The following ZNF283 variants were observed in gnomAD, a reference collection of about 807,000 sequenced individuals.
ZNF283 encodes the protein zinc finger protein 283, also known as zinc finger protein 41.
A neutral mutation model predicts 9.2 loss-of-function variants in ZNF283; 10 were observed. The ratio of observed to expected loss-of-function variants is 1.09; its 90% CI spans 0.67 to 1.85. ZNF283 has a LOEUF of 1.85. Among genes scored for constraint, ZNF283 ranks in the 40% most tolerant of loss-of-function variants. The probability of loss-of-function intolerance (pLI) is 0.00; values close to 1 mark genes in which losing one functional copy is unlikely to be tolerated. For missense variants in ZNF283, 631 were observed against 760.1 expected (o/e 0.83, Z 2.00); for synonymous variants, 234 against 244.1 (o/e 0.96, Z 0.38).
At chr19:43,843,214 G>A (rs892047993) in intron 6 of ZNF283, among the ~76,000 whole-genome samples, 6 of 152,136 alleles carry the variant, frequency 3.9e-5, no homozygotes, top group South Asian at 2.1e-4. Flanking sequence ...GGTGGCACGC[G>A]CCTGTAGTCC....
intron 6 of ZNF283, chr19:43,837,510 A>ATATC: frequency 2.7e-6 from 1 of 376,702 alleles, no homozygotes; most frequent in Non-Finnish European, 4.7e-6. Flanking sequence ...ATTATATTGA[A>ATATC]TATCTACTCC....
chr19:43,838,849 T>C (rs945923008), intron 6 of ZNF283, among the ~76,000 whole-genome samples: 4 of 152,178 alleles, frequency 2.6e-5, no homozygotes, highest in African/African-American at 9.7e-5. Context: ...ATAAACAAGG[T>C]GTTAGAGGTT....
In ZNF283 at chr19:43,835,485, G is replaced by T; in HGVS notation, c.123-20G>T. ...ATCACTGAGGCACACCTGGTTTAACGCTTCGTTTTCCCTCCCCAGTTCTGG... is the reference window on the plus strand; with the variant it reads ...ATCACTGAGGCACACCTGGTTTAACTCTTCGTTTTCCCTCCCCAGTTCTGG... On this transcript the variant is annotated intron_variant, in intron 4 of 6. Transcript: ENST00000618787. 6.4e-7 allele frequency: 1 copy of T among 1,568,950 alleles called. No homozygotes were observed. The highest frequency in any genetic ancestry group is 8.7e-7 in the Non-Finnish European group (1 of 1,144,198).
chr19:43,844,508 G>C (rs1047200944), intron 6 of ZNF283, among the ~76,000 whole-genome samples: 4 of 152,154 alleles, frequency 2.6e-5, no homozygotes, highest in African/African-American at 7.2e-5. Flanking sequence ...AGGTTGGTCA[G>C]CTTAAATACT....
intron 6 of ZNF283, chr19:43,840,767 G>A (rs1285377329): frequency 1.3e-5 from 2 of 150,832 alleles, no homozygotes; most frequent in South Asian, 4.2e-4. Flanking sequence ...CTCACTGCAA[G>A]CTCTGCCTCC....
intron 4 of ZNF283, among the ~76,000 whole-genome samples, chr19:43,834,420 C>A (rs999042722): frequency 6.7e-6 from 1 of 149,726 alleles, no homozygotes; most frequent in Non-Finnish European, 1.5e-5. Context: ...GAATTTCATC[C>A]TTTTTTTTTC....
At chr19:43,844,654 C>T (rs1971339015) in intron 6 of ZNF283, among the ~76,000 whole-genome samples, 1 of 152,090 alleles carries the variant, frequency 6.6e-6, no homozygotes, top group African/African-American at 2.4e-5. Context: ...AACTTACTTC[C>T]CACATTCACA....
Position 43,848,133 on chromosome 19 carries a change from G to T in ZNF283, c.1532G>T (p.Gly511Val), listed in dbSNP as rs1568426064. 2 of 1,613,884 alleles carry T rather than the reference G, an allele frequency of 1.2e-6. No individual in the cohort carries two copies. The highest frequency in any genetic ancestry group is 8.5e-7 in the Non-Finnish European group (1 of 1,179,896). ...QLTRHQVFHT[G>V]EKPYECKECG... Reference sequence around the variant, plus strand: ...ACTCGACATCAGGTATTTCACACTGGTGAGAAACCCTATGAATGTAAGGAA... The same window carrying T: ...ACTCGACATCAGGTATTTCACACTGTTGAGAAACCCTATGAATGTAAGGAA... The change falls in exon 7 of 7, where the codon GGT (glycine) becomes GTT (valine). Residue 511 changes from glycine (G) to valine (V), a missense_variant. Around this residue, in one of 3 missense-constraint regions of ZNF283, gnomAD observed 444 missense variants for 522.5 expected, o/e 0.85. Transcript: ENST00000618787.
intron 2 of ZNF283, among the ~76,000 whole-genome samples, chr19:43,829,516 T>C (rs1364732114): frequency 6.6e-6 from 1 of 152,194 alleles, no homozygotes; most frequent in Non-Finnish European, 1.5e-5. Flanking sequence ...ATCTATAAAA[T>C]AGGGACAGGA....
chr19:43,848,220 AG>A lies in ZNF283; in HGVS notation c.1620del (p.Lys541AsnfsTer46). On this transcript the variant is annotated frameshift_variant, in exon 7 of 7. Transcript: ENST00000618787. LOFTEE classifies it low-confidence loss of function (END_TRUNC). ...LVQHERIHTG[E>X]KPYECKECGK... Reference sequence around the variant, plus strand: ...CAACATGAAAGAATCCATACAGGGGAGAAACCCTATGAATGTAAAGAATGTG... The same window carrying A: ...CAACATGAAAGAATCCATACAGGGGAAAACCCTATGAATGTAAAGAATGTG... The A allele has an allele frequency of 6.2e-7, 1 of 1,613,904 alleles. No individual in the cohort carries two copies. Among genetic ancestry groups the A allele is most frequent in the Non-Finnish European group, 8.5e-7 (1 of 1,179,926 alleles).
intron 4 of ZNF283, among the ~76,000 whole-genome samples, chr19:43,834,374 T>C (rs1049071751): frequency 3.9e-5 from 6 of 151,948 alleles, no homozygotes; most frequent in Non-Finnish European, 7.4e-5. Context: ...ATTCCATTAG[T>C]ATTATTCCAT....
Position 43,848,085 on chromosome 19 carries a change from C to A in ZNF283, c.1484C>A (p.Thr495Asn). 6.2e-7 allele frequency: 1 copy of A among 1,612,028 alleles called. No homozygotes were observed. The highest frequency in any genetic ancestry group is 8.5e-7 in the Non-Finnish European group (1 of 1,179,566). Reference protein sequence around the residue: ...KSHECKECGKTFCSGYQLTRH... With the variant: ...KSHECKECGKNFCSGYQLTRH... The stretch of plus-strand genomic sequence containing the variant: ...CATGAATGTAAAGAATGCGGAAAGA[C>A]CTTTTGTAGTGGGTATCAACTTACT... Residue 495 changes from threonine to asparagine, a missense_variant, in exon 7 of 7, where the codon ACC (threonine) becomes AAC (asparagine). Around this residue, in one of 3 missense-constraint regions of ZNF283, gnomAD observed 444 missense variants for 522.5 expected, o/e 0.85. Coordinates refer to ENST00000618787, the MANE Select transcript of ZNF283 (RefSeq NM_181845.2).
chr19:43,841,578 G>A (rs1005817809), intron 6 of ZNF283: 2 of 151,766 alleles, frequency 1.3e-5, no homozygotes, highest in African/African-American at 4.8e-5. Flanking sequence ...GATTACAGTC[G>A]TGTGCCACTA....
At position 43,848,161 on chromosome 19, in the gene ZNF283, T is replaced by C. The variant is rs1971492331; in HGVS notation, c.1560T>C (p.Cys520=). 2.5e-6 allele frequency: 4 copies of C among 1,614,020 alleles called. No homozygotes were observed. In the East Asian group the frequency reaches 8.9e-5, roughly 36 times the overall value. ...TGEKPYECKE[C]GKAFNCGSSL... is the part of the protein sequence containing the mutation. ...AGAAACCCTATGAATGTAAGGAATG[T>C]GGGAAGGCTTTTAATTGTGGATCAA... Residue 520 remains cysteine (C), a synonymous_variant, in exon 7 of 7, where the codon TGT becomes TGC. Coordinates refer to ENST00000618787, the MANE Select transcript of ZNF283 (RefSeq NM_181845.2).
rs1182405734 is a variant in ZNF283 at position 43,847,183 on chromosome 19, T to C, written c.582T>C (p.Leu194=). 1.2e-6 allele frequency: 2 copies of C among 1,613,792 alleles called. No individual in the cohort carries two copies. Among genetic ancestry groups the C allele is most frequent in the South Asian group, 2.2e-5 (2 of 91,076 alleles). ...CTTCTTACAGAAAAAGTAAATCTCT[T>C]ACTCCACATCAAAGAATTCATAATA... ...KIPSYRKSKS[L]TPHQRIHNTE... is the part of the protein sequence containing the mutation. Residue 194 remains leucine (L), a synonymous_variant, in exon 7 of 7, where the codon CTT becomes CTC. Transcript: ENST00000618787.
chr19:43,830,631 A>G (rs9304636), intron 2 of ZNF283, among the ~76,000 whole-genome samples: 90,499 of 151,750 alleles, frequency 0.6, 27,475 homozygotes, highest in South Asian at 0.74. Flanking sequence ...AGCTGGGCTC[A>G]GTGGCTTATG....
chr19:43,834,731 G>T (rs1970884671), intron 4 of ZNF283, among the ~76,000 whole-genome samples: 1 of 152,046 alleles, frequency 6.6e-6, no homozygotes, highest in Admixed American at 6.6e-5. Flanking sequence ...GAGTAGCTGG[G>T]ACTACAGGCG....
intron 6 of ZNF283, 42 bp from the exon 7 acceptor site, chr19:43,846,897 A>C: frequency 5.4e-6 from 6 of 1,110,826 alleles, no homozygotes; most frequent in South Asian, 2.2e-5. Context: ...TTTTTTCCCT[A>C]GTGAAGGAAA....
In ZNF283 at chr19:43,847,072, T is replaced by C. The variant is rs373051782; in HGVS notation, c.471T>C (p.Asn157=). 19 of 1,612,854 alleles carry C rather than the reference T, an allele frequency of 1.2e-5. No homozygotes were observed. Among genetic ancestry groups the C allele is most frequent in the Non-Finnish European group, 1.5e-5 (18 of 1,179,428 alleles). The change falls in exon 7 of 7, where the codon AAT becomes AAC. Residue 157 remains asparagine, a synonymous_variant. Coordinates refer to ENST00000618787, the MANE Select transcript of ZNF283 (RefSeq NM_181845.2). ...TTGAGGCATCCATCTTCAGAAATAA[T>C]TGGAAGTGCAAAAGCATATTCGAGG... ...LGLEASIFRN[N]WKCKSIFEGL...
Sources: allele counts gnomAD v4.1 joint callset (sites outside exome capture counted in the v4.1 genomes callset), GRCh38; gene constraint gnomAD v4.1.1; regional missense constraint gnomAD v4.1.1; transcripts MANE v1.5; gene names NCBI Gene and HGNC (gene_info 2026-07-23, HGNC 2026-07-21).